MYT1L: variants seen among roughly 807,000 people sequenced by gnomAD.
The protein encoded by MYT1L is myelin transcription factor 1-like protein.
A neutral mutation model predicts 126.7 loss-of-function variants in MYT1L; 12 were observed. That is an observed-to-expected ratio of 0.09 (90% CI 0.06 to 0.15). The LOEUF (loss-of-function observed/expected upper bound fraction) is 0.15, where lower values mean the gene tolerates loss of function less well. Ranked by LOEUF, MYT1L falls within the 10% of genes least tolerant of loss-of-function variation. The pLI is 1.00. For missense variants in MYT1L, 979 were observed against 1,585.2 expected, an observed-to-expected ratio of 0.62 and a Z score of 6.49; for synonymous variants, 541 against 604.2, an observed-to-expected ratio of 0.90 and a Z score of 1.53.
rs566363102 is a variant in MYT1L, at chr2:2,221,924, G to T, written c.-420-48936C>A. 8.5e-5 allele frequency among the ~76,000 whole-genome samples: 13 copies of T among 152,132 alleles called. 1 individual carries two copies. The highest frequency in any genetic ancestry group is 8.5e-4 in the Admixed American group (13 of 15,280). ...CTTCGCAGCACTTTCTGCTGAAGCC[G>T]CCTTCCTGTTTTCCCACAGAAAGGC... On this transcript the variant is annotated intron_variant, in intron 2 of 24. Transcript: ENST00000647738.
chr2:1,857,847 A>T (rs560654615), intron 18 of MYT1L, among the ~76,000 whole-genome samples: 33 of 150,650 alleles, frequency 2.2e-4, no homozygotes, highest in South Asian at 8.3e-4. Context: ...AAAATTTTTT[A>T]AAATACATAT....
intron 2 of MYT1L, among the ~76,000 whole-genome samples, chr2:2,200,261 T>C (rs2093004382): frequency 6.6e-6 from 1 of 152,172 alleles, no homozygotes; most frequent in Non-Finnish European, 1.5e-5. Flanking sequence ...AATGCAACGT[T>C]ATTCCTACAA....
At chr2:1,830,817 CG>C (rs11339188) in intron 21 of MYT1L, among the ~76,000 whole-genome samples, 66,328 of 151,554 alleles carry the variant, frequency 0.44, 16,856 homozygotes, top group African/African-American at 0.7. Context: ...GCTCTGTCCT[CG>C]CCTGCTGGCT....
At chr2:1,945,515 G>T (rs2057128643) in intron 8 of MYT1L, among the ~76,000 whole-genome samples, 1 of 152,210 alleles carries the variant, frequency 6.6e-6, no homozygotes, top group South Asian at 2.1e-4. Context: ...GACACAGTGT[G>T]TGTGGACCAG....
At chr2:2,015,516 G>T (rs1230303876) in intron 4 of MYT1L, among the ~76,000 whole-genome samples, 3 of 152,168 alleles carry the variant, frequency 2.0e-5, no homozygotes, top group African/African-American at 7.2e-5. Context: ...GGCTATCTTT[G>T]GGCCTTCCAA....
intron 11 of MYT1L, among the ~76,000 whole-genome samples, chr2:1,913,710 C>G (rs1245561387): frequency 6.6e-6 from 1 of 152,122 alleles, no homozygotes. Flanking sequence ...GGGGATGGCA[C>G]ACGGGGGTCA....
At chr2:2,170,060 C>T (rs2148517825) in intron 3 of MYT1L, among the ~76,000 whole-genome samples, 1 of 152,340 alleles carries the variant, frequency 6.6e-6, no homozygotes, top group East Asian at 1.9e-4. Flanking sequence ...TTCTTTCAGA[C>T]TTTGTGGAAG....
intron 3 of MYT1L, among the ~76,000 whole-genome samples, chr2:2,080,877 T>C (rs2075751304): frequency 6.6e-6 from 1 of 152,198 alleles, no homozygotes; most frequent in Admixed American, 6.5e-5. Context: ...TACATGGACA[T>C]TATGCTAAAT....
chr2:1,968,288 A>AGC (rs776888898), intron 8 of MYT1L, among the ~76,000 whole-genome samples: 1 of 151,214 alleles, frequency 6.6e-6, no homozygotes, highest in Non-Finnish European at 1.5e-5. Context: ...GGCTCCCCAG[A>AGC]GCGTCTGCAC....
chr2:2,310,875 G>T (rs1038964309), intron 1 of MYT1L, among the ~76,000 whole-genome samples: 4 of 152,056 alleles, frequency 2.6e-5, no homozygotes, highest in Non-Finnish European at 5.9e-5. Flanking sequence ...ATGAATGAAA[G>T]AAAAATTCCA....
At chr2:2,021,758 G>A (rs897066651) in intron 4 of MYT1L, among the ~76,000 whole-genome samples, 8 of 152,146 alleles carry the variant, frequency 5.3e-5, no homozygotes, top group Non-Finnish European at 7.4e-5. Context: ...TTAGCCAGGC[G>A]TGGTGGTGGG....
chr2:2,122,891 G>C (rs1025736112), intron 3 of MYT1L, among the ~76,000 whole-genome samples: 114 of 151,126 alleles, frequency 7.5e-4, no homozygotes, highest in African/African-American at 2.7e-3. Flanking sequence ...GAGAGAGAGA[G>C]ACCAATGAGT....
At chr2:2,235,025 A>G (rs1479568749) in intron 2 of MYT1L, among the ~76,000 whole-genome samples, 2 of 151,820 alleles carry the variant, frequency 1.3e-5, no homozygotes, top group African/African-American at 4.8e-5. Context: ...TGCCTCTTCC[A>G]TTGTCTCTTG....
At position 1,839,212 on chromosome 2, in the gene MYT1L, G is replaced by C. The variant is rs1350004634; in HGVS notation, c.3017C>G (p.Ser1006Cys). 1.2e-6 allele frequency: 2 copies of C among 1,613,618 alleles called. No homozygotes were observed. Among genetic ancestry groups the C allele is most frequent in the Non-Finnish European group, 1.7e-6 (2 of 1,179,870 alleles). ...SWKSVKTEGMSCPTPGCDGSG... is the reference protein window; with the variant it reads ...SWKSVKTEGMCCPTPGCDGSG... ...GCCGTCGCATCCTGGCGTGGGGCAG[G>C]ACATGCCTTCCGTCTTGACCGACTT... Residue 1006 changes from serine to cysteine, a missense_variant, in exon 21 of 25, where the codon TCC (serine) becomes TGC (cysteine). Transcript: ENST00000647738.
At chr2:2,223,414 G>A (rs899415732) in intron 2 of MYT1L, among the ~76,000 whole-genome samples, 29 of 152,146 alleles carry the variant, frequency 1.9e-4, no homozygotes, top group Non-Finnish European at 3.4e-4. Flanking sequence ...ATTTATTCTA[G>A]AATTGAACTG....
intron 1 of MYT1L, among the ~76,000 whole-genome samples, chr2:2,307,852 A>C (rs1243032009): frequency 7.6e-6 from 1 of 131,252 alleles, no homozygotes; most frequent in Non-Finnish European, 1.7e-5. Flanking sequence ...TACTCTCTCT[A>C]TATTCCACCT....
intron 10 of MYT1L, among the ~76,000 whole-genome samples, chr2:1,918,328 C>T (rs1285253075): frequency 6.6e-6 from 1 of 152,148 alleles, no homozygotes; most frequent in African/African-American, 2.4e-5. Flanking sequence ...GTGTGCAAAA[C>T]ACTGTATTTT....
At chr2:2,010,880 A>T (rs190628565) in intron 4 of MYT1L, among the ~76,000 whole-genome samples, 362 of 152,326 alleles carry the variant, frequency 2.4e-3, no homozygotes, top group Non-Finnish European at 4.1e-3. Flanking sequence ...TACTGTCAAC[A>T]GACTCTTCAC....
At chr2:2,160,716 G>C (rs1451896277) in intron 3 of MYT1L, among the ~76,000 whole-genome samples, 2 of 152,300 alleles carry the variant, frequency 1.3e-5, no homozygotes, top group Middle Eastern at 3.4e-3. Flanking sequence ...AGGAAACTCA[G>C]AGGTCAGAGG....
Sources: gnomAD v4.1 joint callset for allele counts (sites outside exome capture counted in the v4.1 genomes callset) on GRCh38, gnomAD v4.1.1 for gene constraint, MANE v1.5 for transcripts, NCBI Gene and HGNC (gene_info 2026-07-23, HGNC 2026-07-21) for gene names.